Variants in NEK7 observed in about 807,000 individuals in gnomAD.
The protein encoded by NEK7 is serine/threonine-protein kinase Nek7.
A neutral mutation model predicts 44.6 loss-of-function variants in NEK7; 18 were observed. The observed-to-expected ratio is 0.40, with a 90% CI of 0.28 to 0.60. NEK7 has a LOEUF of 0.60. NEK7 is among the 20% of genes least tolerant of loss of function. The pLI is 0.38. For synonymous variants in NEK7, 130 were observed against 121.1 expected (o/e 1.07, Z -0.48); for missense variants, 256 against 366.5 (o/e 0.70, Z 2.46).
At chr1:198,297,279 T>G in intron 9 of NEK7, 39 bp downstream of exon 9, 1 of 1,606,378 alleles carries the variant, frequency 6.2e-7, no homozygotes, top group Non-Finnish European at 8.5e-7. Flanking sequence ...CTGTTGTCCA[T>G]TTTGCTAACA....
chr1:198,205,876 G>A (rs940803221), intron 1 of NEK7, among the ~76,000 whole-genome samples: 15 of 152,022 alleles, frequency 9.9e-5, no homozygotes, highest in African/African-American at 3.6e-4. Flanking sequence ...TTTAATGTTA[G>A]GAATATGAAA....
At chr1:198,311,679 G>A (rs1430613860) in intron 9 of NEK7, among the ~76,000 whole-genome samples, 1 of 152,190 alleles carries the variant, frequency 6.6e-6, no homozygotes, top group Non-Finnish European at 1.5e-5. Flanking sequence ...GGCCTTTTCT[G>A]CATCTATTGA....
At chr1:198,241,421 T>A (rs1666681844) in intron 2 of NEK7, among the ~76,000 whole-genome samples, 1 of 152,188 alleles carries the variant, frequency 6.6e-6, no homozygotes. Context: ...GAGGAGGAGT[T>A]TCTAGTACAG....
intron 5 of NEK7, among the ~76,000 whole-genome samples, chr1:198,273,410 A>G (rs950732158): frequency 2.0e-5 from 3 of 151,742 alleles, no homozygotes; most frequent in Non-Finnish European, 4.4e-5. Flanking sequence ...ATGCCTTCCA[A>G]AGAAAAATGT....
chr1:198,229,095 G>A (rs933606493), intron 1 of NEK7, among the ~76,000 whole-genome samples: 3 of 152,150 alleles, frequency 2.0e-5, no homozygotes, highest in Non-Finnish European at 4.4e-5. Flanking sequence ...GCCTGGCTGG[G>A]TTTTCCCACT....
chr1:198,263,237 T>G (rs1466629738), intron 4 of NEK7, among the ~76,000 whole-genome samples: 1 of 151,958 alleles, frequency 6.6e-6, no homozygotes, highest in African/African-American at 2.4e-5. Context: ...TCGCTCTTTT[T>G]TTATGCCATC....
intron 1 of NEK7, among the ~76,000 whole-genome samples, chr1:198,231,978 G>A (rs1187168903): frequency 7.9e-5 from 12 of 152,084 alleles, no homozygotes; most frequent in Admixed American, 7.9e-4. Context: ...CAATTTTTGA[G>A]TCTTGTGCAA....
intron 3 of NEK7, chr1:198,256,478 G>T: frequency 6.3e-7 from 1 of 1,584,784 alleles, no homozygotes; most frequent in South Asian, 1.2e-5. Context: ...TGGTTCATTT[G>T]CAAAAAAATA....
chr1:198,319,320 A>C, intron 9 of NEK7, 92 bp from the exon 10 acceptor site: 1 of 725,290 alleles, frequency 1.4e-6, no homozygotes, highest in Middle Eastern at 2.5e-4. Context: ...CTTTCCTTGT[A>C]AAATCTATAG....
At chr1:198,178,408 C>T (rs1283250449) in intron 1 of NEK7, among the ~76,000 whole-genome samples, 1 of 151,944 alleles carries the variant, frequency 6.6e-6, no homozygotes, top group East Asian at 1.9e-4. Context: ...ATATCAAAGC[C>T]TGCAAAAATT....
chr1:198,236,202 G>A (rs1233137976), intron 2 of NEK7, among the ~76,000 whole-genome samples: 1 of 152,062 alleles, frequency 6.6e-6, no homozygotes, highest in Non-Finnish European at 1.5e-5. Context: ...ATCTTCTGGA[G>A]TTACTTTCTT....
chr1:198,228,359 T>G (rs1666289289), intron 1 of NEK7, among the ~76,000 whole-genome samples: 1 of 152,222 alleles, frequency 6.6e-6, no homozygotes, highest in African/African-American at 2.4e-5. Flanking sequence ...AGGCTCTTTT[T>G]TGGTTCCATG....
intron 1 of NEK7, among the ~76,000 whole-genome samples, chr1:198,182,022 A>G (rs1664783100): frequency 6.6e-6 from 1 of 152,110 alleles, no homozygotes; most frequent in East Asian, 1.9e-4. Flanking sequence ...TATACTTGAT[A>G]TGTTCAAATA....
At chr1:198,211,358 A>G (rs1665764207) in intron 1 of NEK7, among the ~76,000 whole-genome samples, 1 of 152,228 alleles carries the variant, frequency 6.6e-6, no homozygotes, top group Admixed American at 6.5e-5. Context: ...TCATTGTTAC[A>G]AAAGAATGAA....
chr1:198,195,967 A>G (rs910582816), intron 1 of NEK7, among the ~76,000 whole-genome samples: 15 of 152,196 alleles, frequency 9.9e-5, no homozygotes, highest in Non-Finnish European at 2.1e-4. Flanking sequence ...TTTTAATAAA[A>G]GGTTATCTAT....
chr1:198,255,708 A>G (rs1409865371), intron 3 of NEK7, among the ~76,000 whole-genome samples: 1 of 152,148 alleles, frequency 6.6e-6, no homozygotes, highest in Non-Finnish European at 1.5e-5. Context: ...ATTCTTTTGG[A>G]TTATCCCATT....
At chr1:198,165,390 A>G (rs1208584681) in intron 1 of NEK7, among the ~76,000 whole-genome samples, 2 of 152,232 alleles carry the variant, frequency 1.3e-5, no homozygotes, top group East Asian at 3.8e-4. Context: ...ATTCTTAGAT[A>G]AGAAGACTTG....
intron 1 of NEK7, among the ~76,000 whole-genome samples, chr1:198,182,123 G>A: frequency 6.6e-6 from 1 of 152,024 alleles, no homozygotes; most frequent in East Asian, 1.9e-4. Flanking sequence ...GAATAGCAGG[G>A]CATCAGAATA....
At chr1:198,279,854 C>T (rs968350574) in intron 7 of NEK7, among the ~76,000 whole-genome samples, 8 of 151,932 alleles carry the variant, frequency 5.3e-5, no homozygotes, top group African/African-American at 1.9e-4. Context: ...CCTAAGGTTC[C>T]GTGTGGCCTT....
Sources: gnomAD v4.1 joint callset for allele counts (sites outside exome capture counted in the v4.1 genomes callset) on GRCh38, gnomAD v4.1.1 for gene constraint, MANE v1.5 for transcripts, NCBI Gene and HGNC (gene_info 2026-07-23, HGNC 2026-07-21) for gene names.